Variants in FNBP1 observed in about 807,000 individuals in gnomAD.
The protein encoded by FNBP1 is formin binding protein 1, also known as formin-binding protein 1.
A neutral mutation model predicts 90.6 loss-of-function variants in FNBP1; 26 were observed. The ratio of observed to expected loss-of-function variants is 0.29; its 90% CI spans 0.21 to 0.40. FNBP1 has a LOEUF of 0.40. FNBP1 is among the 10% of genes least tolerant of loss of function. FNBP1 has a pLI of 1.00. For synonymous variants in FNBP1, 260 were observed against 265.2 expected (o/e 0.98, Z 0.19); for missense variants, 635 against 768.0 (o/e 0.83, Z 2.05).
chr9:129,919,836 A>G (rs756391867), intron 10 of FNBP1, among the ~76,000 whole-genome samples: 8 of 152,254 alleles, frequency 5.3e-5, no homozygotes, highest in Non-Finnish European at 7.3e-5. Context: ...GTTAAGTTAC[A>G]AAGTAGAATA....
the FNBP1 span, among the ~76,000 whole-genome samples, chr9:130,052,553 C>A: frequency 6.6e-6 from 1 of 152,002 alleles, no homozygotes; most frequent in African/African-American, 2.4e-5. Context: ...CTGCCTCAGC[C>A]TCCCCAGTAG....
At chr9:130,005,859 T>C (rs2055622176) in intron 1 of FNBP1, among the ~76,000 whole-genome samples, 1 of 152,230 alleles carries the variant, frequency 6.6e-6, no homozygotes. Context: ...GGATCACAGA[T>C]ACCTTATGTT....
intron 1 of FNBP1, among the ~76,000 whole-genome samples, chr9:130,017,672 A>G (rs1467082487): frequency 1.3e-5 from 2 of 151,916 alleles, no homozygotes; most frequent in Non-Finnish European, 2.9e-5. Flanking sequence ...TCTACTAAAA[A>G]TACAAAAATT....
chr9:129,900,753 T>G lies in FNBP1; in HGVS notation c.1429-206A>C, dbSNP rs1588387716. Reference sequence around the variant, plus strand: ...CGTTTTCTGCCTTCGACTGTTCAAATGTACTGAAGGACGGTTGCTTCCATT... The same window carrying G: ...CGTTTTCTGCCTTCGACTGTTCAAAGGTACTGAAGGACGGTTGCTTCCATT... On this transcript the variant is annotated intron_variant, in intron 13 of 16. Coordinates refer to ENST00000446176, the MANE Select transcript of FNBP1 (RefSeq NM_015033.3). This position sits in a 1 kb window ranked among gnomAD's most constrained non-coding sequence, Gnocchi z 4.1. 6.6e-6 allele frequency among the ~76,000 whole-genome samples: 1 copy of G among 152,270 alleles called. No homozygotes were observed. The highest frequency in any genetic ancestry group is 1.5e-5 in the Non-Finnish European group (1 of 68,050).
At chr9:129,978,099 C>A (rs915347113) in intron 4 of FNBP1, among the ~76,000 whole-genome samples, 8 of 151,984 alleles carry the variant, frequency 5.3e-5, no homozygotes, top group Admixed American at 5.2e-4. Context: ...CGGCTCACTG[C>A]AACCTCCGCC....
In FNBP1 at chr9:129,889,874, G is replaced by A. The variant is rs990148211; in HGVS notation, c.*665C>T. ...CAAACCAAAATGTGTGTATGCGCAC[G>A]CGTGTGTACTGGTGGGTGTGCCTGT... On this transcript the variant is annotated 3_prime_UTR_variant, in exon 17 of 17. Coordinates refer to ENST00000446176, the MANE Select transcript of FNBP1 (RefSeq NM_015033.3). 10 of 233,630 alleles carry A rather than the reference G, an allele frequency of 4.3e-5. No individual in the cohort carries two copies. Among genetic ancestry groups the A allele is most frequent in the African/African-American group, 1.5e-4 (7 of 45,354 alleles). The allele number at this position is 233,630 out of a possible 1,614,324, so 14.5% of individuals were successfully genotyped here.
rs1207891485 is a variant in FNBP1, at chr9:129,900,205, C to T, written c.1551-104G>A. 1.8e-5 allele frequency: 24 copies of T among 1,313,586 alleles called. No individual in the cohort carries two copies. The highest frequency in any genetic ancestry group is 1.0e-4 in the East Asian group (4 of 38,174). 81.4% of individuals were successfully genotyped at this position (1,313,586 alleles called of 1,614,324 possible). ...GAGCACTTGCAACCCCGCCCCTCAG[C>T]GAGTGCTGTAACTGAGGCCATGGTA... On this transcript the variant is annotated intron_variant, in intron 14 of 16. Transcript: ENST00000446176. The surrounding 1 kb of genome is among the most constrained non-coding windows in gnomAD (Gnocchi z 4.1).
chr9:129,894,884 C>T (rs2035479770), intron 16 of FNBP1, among the ~76,000 whole-genome samples: 1 of 152,098 alleles, frequency 6.6e-6, no homozygotes, highest in African/African-American at 2.4e-5. Context: ...ACAGAGCGAA[C>T]CCGTCTCTAC....
chr9:129,972,588 A>G (rs1316257158), intron 4 of FNBP1, among the ~76,000 whole-genome samples: 1 of 146,662 alleles, frequency 6.8e-6, no homozygotes, highest in Non-Finnish European at 1.5e-5. Context: ...CTAAAGTGCA[A>G]TGGCATGATC....
At chr9:129,919,421 T>G (rs556631486) in intron 10 of FNBP1, among the ~76,000 whole-genome samples, 2 of 152,326 alleles carry the variant, frequency 1.3e-5, no homozygotes, top group South Asian at 2.1e-4. Context: ...TATAAAAGTC[T>G]CTTGCACAGG....
At chr9:129,944,643 G>A (rs1349475189) in intron 6 of FNBP1, among the ~76,000 whole-genome samples, 5 of 151,954 alleles carry the variant, frequency 3.3e-5, no homozygotes, top group Admixed American at 1.3e-4. Flanking sequence ...GGCAATAACA[G>A]TGTCAGCCAA....
intron 1 of FNBP1, among the ~76,000 whole-genome samples, chr9:130,034,256 T>G (rs966958436): frequency 8.1e-5 from 12 of 148,270 alleles, no homozygotes; most frequent in Admixed American, 1.4e-4. Context: ...GAGATTGCAG[T>G]GAGCTGAGAT....
upstream of FNBP1, chr9:130,045,027 C>T (rs7854338): frequency 0.87 from 133,162 of 152,186 alleles, 59,458 homozygotes; most frequent in East Asian, 0.97. Context: ...GCAGATAAAC[C>T]TCCAACTCTA....
rs576015094 is a variant in FNBP1 at position 129,925,589 on chromosome 9, CTTTTTTTTTTT to C, written c.790-443_790-433del. On this transcript the variant is annotated intron_variant, in intron 8 of 16. Coordinates refer to ENST00000446176, the MANE Select transcript of FNBP1 (RefSeq NM_015033.3). ...TTGATAATAACTTTTTTCCTAGTAGCTTTTTTTTTTTTTTTTTTTTTTTTGAGACAGTCTCA... is the reference window on the plus strand; with the variant it reads ...TTGATAATAACTTTTTTCCTAGTAGCTTTTTTTTTTTTTGAGACAGTCTCA... Among the ~76,000 whole-genome samples, 6 of 67,124 alleles carry C rather than the reference CTTTTTTTTTTT, an allele frequency of 8.9e-5. No homozygotes were observed. The Admixed American group carries it at 1.2e-3, about 13-fold the overall frequency. 44.0% of individuals were successfully genotyped at this position (67,124 alleles called of 152,430 possible).
At position 129,929,776 on chromosome 9, in the gene FNBP1, G is replaced by A. The variant is rs533828178; in HGVS notation, c.514-81C>T. 5.9e-6 allele frequency: 8 copies of A among 1,354,310 alleles called. No homozygotes were observed. The African/African-American group carries it at 1.2e-4, about 20-fold the overall frequency. The allele number at this position is 1,354,310 out of a possible 1,614,324, so 83.9% of individuals were successfully genotyped here. On this transcript the variant is annotated intron_variant, in intron 6 of 16. Coordinates refer to ENST00000446176, the MANE Select transcript of FNBP1 (RefSeq NM_015033.3). ...GTGCAATCAATAAAAGCCTAGAACTGCACACTGGGATGCCTAGGGGCCAGA... is the reference window on the plus strand; with the variant it reads ...GTGCAATCAATAAAAGCCTAGAACTACACACTGGGATGCCTAGGGGCCAGA...
rs368998023 is a variant in FNBP1 at position 129,958,584 on chromosome 9, T to C, written c.346-31A>G. The C allele has an allele frequency of 4.6e-4, 705 of 1,547,350 alleles. 7 individuals are homozygous for C. In the African/African-American group the frequency reaches 7.8e-3, roughly 17 times the overall value. On this transcript the variant is annotated intron_variant, in intron 4 of 16. Transcript: ENST00000446176. ...AAGGGGAAAACACACTGGTGATTAG[T>C]ACCCTCTGCTTCTCTTATGAACCCA...
chr9:130,032,394 C>T lies in FNBP1; in HGVS notation c.24+10558G>A, dbSNP rs543901787. 9.9e-5 allele frequency among the ~76,000 whole-genome samples: 15 copies of T among 152,238 alleles called. No individual in the cohort carries two copies. In the South Asian group the frequency reaches 2.1e-3, roughly 21 times the overall value. On this transcript the variant is annotated intron_variant, in intron 1 of 16. Transcript: ENST00000446176. The stretch of plus-strand genomic sequence containing the variant: ...GTATGTTACCCAGGCTGGTCTTGAA[C>T]GCCTGAGTTCAAGCTATCCTCTCGC...
intron 4 of FNBP1, among the ~76,000 whole-genome samples, chr9:129,965,699 C>CGT (rs1226632410): frequency 1.5e-3 from 157 of 107,074 alleles, no homozygotes; most frequent in Middle Eastern, 4.3e-3. Context: ...CACACACACG[C>CGT]GCGCGCGCGC....
chr9:129,946,086 T>C (rs967126944), intron 6 of FNBP1, among the ~76,000 whole-genome samples: 7 of 152,118 alleles, frequency 4.6e-5, no homozygotes, highest in African/African-American at 1.7e-4. Flanking sequence ...CGAGAATCAC[T>C]TGAACCCAGG....
Sources: allele counts gnomAD v4.1 joint callset (sites outside exome capture counted in the v4.1 genomes callset), GRCh38; gene constraint gnomAD v4.1.1; non-coding constraint Gnocchi (gnomAD v3.1); transcripts MANE v1.5; gene names NCBI Gene and HGNC (gene_info 2026-07-23, HGNC 2026-07-21).